The following SAMD13 variants were observed in gnomAD, a reference collection of about 807,000 sequenced individuals.
The protein encoded by SAMD13 is sterile alpha motif domain-containing protein 13.
A neutral mutation model predicts 12.4 loss-of-function variants in SAMD13; 9 were observed. The ratio of observed to expected loss-of-function variants is 0.72; its 90% CI spans 0.44 to 1.26. SAMD13 has a LOEUF of 1.26. Among genes scored for constraint, SAMD13 ranks in the 50% most tolerant of loss-of-function variants. The pLI is 0.00. For missense variants in SAMD13, 84 were observed against 119.6 expected (o/e 0.70, Z 1.39); for synonymous variants, 46 against 45.4 (o/e 1.01, Z -0.05).
chr1:84,325,349 T>G (rs1679035187), intron 2 of SAMD13, among the ~76,000 whole-genome samples: 3 of 152,124 alleles, frequency 2.0e-5, no homozygotes, highest in Admixed American at 2.0e-4. Context: ...AGCGGTATGT[T>G]GAGGTCATAT....
intron 3 of SAMD13, among the ~76,000 whole-genome samples, chr1:84,349,072 A>G (rs1679594165): frequency 6.6e-6 from 1 of 152,222 alleles, no homozygotes; most frequent in African/African-American, 2.4e-5. Flanking sequence ...TATCAGGAGA[A>G]GCAGAGGGGG....
At position 84,343,749 on chromosome 1, in the gene SAMD13, C is replaced by T. The variant is rs575150906; in HGVS notation, c.166-5882C>T. Among the ~76,000 whole-genome samples, 5 of 152,196 alleles carry T rather than the reference C, an allele frequency of 3.3e-5. No homozygotes were observed. The South Asian group carries it at 1.0e-3, about 32-fold the overall frequency. On this transcript the variant is annotated intron_variant, in intron 3 of 3. Transcript: ENST00000394834. ...AGAGCATTAGGAAAAATAGCTAATG[C>T]ATGCTGGGCTTAATACCTAGGTGAT...
chr1:84,338,256 A>T (rs1441710691), intron 3 of SAMD13, among the ~76,000 whole-genome samples: 1 of 152,106 alleles, frequency 6.6e-6, no homozygotes, highest in Admixed American at 6.6e-5. Context: ...ACTGCTGATA[A>T]AGACATATCC....
intron 2 of SAMD13, among the ~76,000 whole-genome samples, chr1:84,305,637 T>C (rs2101787005): frequency 6.6e-6 from 1 of 152,296 alleles, no homozygotes; most frequent in African/African-American, 2.4e-5. Context: ...ATTTTAGGTT[T>C]CAGGGTTTAG....
At chr1:84,343,679 G>T (rs1206200345) in intron 3 of SAMD13, among the ~76,000 whole-genome samples, 1 of 152,014 alleles carries the variant, frequency 6.6e-6, no homozygotes, top group African/African-American at 2.4e-5. Flanking sequence ...ACAGGGAGGG[G>T]AACAACACAC....
intron 1 of SAMD13, 50 bp from the exon 2 acceptor site, chr1:84,303,153 T>C: frequency 7.4e-7 from 1 of 1,342,572 alleles, no homozygotes; most frequent in Non-Finnish European, 1.1e-6. Flanking sequence ...TATATATTCT[T>C]CTCTCACTTT....
At chr1:84,333,081 G>T (rs1335368428) in intron 3 of SAMD13, among the ~76,000 whole-genome samples, 1 of 151,664 alleles carries the variant, frequency 6.6e-6, no homozygotes, top group African/African-American at 2.4e-5. Flanking sequence ...CTGTTACATT[G>T]GTCTATGTGT....
chr1:84,303,481 G>A, intron 2 of SAMD13, 194 bp downstream of exon 2: 2 of 473,656 alleles, frequency 4.2e-6, no homozygotes, highest in South Asian at 4.6e-5. Context: ...AGACAGAGAT[G>A]ACTCAGACAT....
intron 2 of SAMD13, among the ~76,000 whole-genome samples, chr1:84,304,672 G>A (rs316624): frequency 6.6e-6 from 1 of 151,266 alleles, no homozygotes; most frequent in Admixed American, 6.6e-5. Flanking sequence ...GTCCTTTTCT[G>A]CCCCCATATC....
chr1:84,323,739 G>A (rs562329327), intron 2 of SAMD13, among the ~76,000 whole-genome samples: 5 of 152,174 alleles, frequency 3.3e-5, no homozygotes, highest in South Asian at 4.2e-4. Context: ...AGCCAATTTT[G>A]TTTCCACTAA....
upstream of SAMD13, among the ~76,000 whole-genome samples, chr1:84,299,838 T>C (rs1219709672): frequency 6.6e-6 from 1 of 152,054 alleles, no homozygotes. Context: ...TTTACTCTTG[T>C]GTAACAGGCA....
upstream of SAMD13, chr1:84,298,591 A>G (rs199672975): frequency 6.5e-4 from 833 of 1,284,540 alleles, 7 homozygotes; most frequent in South Asian, 0.011. Flanking sequence ...CTGTGCGCCC[A>G]GGGCGTGGGA....
chr1:84,325,331 G>A (rs1042064746), intron 2 of SAMD13, among the ~76,000 whole-genome samples: 18 of 152,100 alleles, frequency 1.2e-4, no homozygotes, highest in African/African-American at 3.6e-4. Flanking sequence ...AGGAAGACAG[G>A]AAGAGAGAGC....
At chr1:84,313,984 G>A (rs954074497) in intron 2 of SAMD13, among the ~76,000 whole-genome samples, 8 of 152,014 alleles carry the variant, frequency 5.3e-5, no homozygotes, top group Non-Finnish European at 1.2e-4. Flanking sequence ...TATGTATTAT[G>A]TTAAAGAAAT....
chr1:84,330,845 C>T (rs577278008), intron 3 of SAMD13, among the ~76,000 whole-genome samples: 1 of 152,306 alleles, frequency 6.6e-6, no homozygotes, highest in South Asian at 2.1e-4. Context: ...AAGCAACATT[C>T]ATGGTTTTAT....
intron 3 of SAMD13, among the ~76,000 whole-genome samples, chr1:84,346,622 C>T (rs561983895): frequency 7.9e-5 from 12 of 152,288 alleles, no homozygotes; most frequent in African/African-American, 1.2e-4. Flanking sequence ...TTGTTCCTTA[C>T]GGAAAGTTAC....
At chr1:84,299,591 C>A, upstream of SAMD13, 1 of 1,517,344 alleles carries the variant, frequency 6.6e-7, no homozygotes, top group Non-Finnish European at 8.9e-7. Context: ...ATACTACACA[C>A]ACAACTTTTT....
intron 2 of SAMD13, among the ~76,000 whole-genome samples, chr1:84,310,195 A>G (rs1404364603): frequency 1.3e-5 from 2 of 152,166 alleles, no homozygotes; most frequent in East Asian, 3.8e-4. Flanking sequence ...TCAACATGAC[A>G]TCATCAATGA....
intron 2 of SAMD13, among the ~76,000 whole-genome samples, chr1:84,312,163 G>A (rs1490089675): frequency 2.0e-5 from 3 of 151,866 alleles, no homozygotes; most frequent in Admixed American, 2.0e-4. Context: ...TTTTGTCTAT[G>A]TAAAGATCCA....
Sources: gnomAD v4.1 joint callset for allele counts (sites outside exome capture counted in the v4.1 genomes callset) on GRCh38, gnomAD v4.1.1 for gene constraint, MANE v1.5 for transcripts, NCBI Gene and HGNC (gene_info 2026-07-23, HGNC 2026-07-21) for gene names.